Variants in DLC1 observed in about 807,000 individuals in gnomAD.
The protein encoded by DLC1 is DLC1 Rho GTPase activating protein.
A neutral mutation model predicts 140.3 loss-of-function variants in DLC1; 54 were observed. That is an observed-to-expected ratio of 0.38 (90% confidence interval 0.31 to 0.48). DLC1 has a LOEUF of 0.48. Among genes scored for constraint, DLC1 ranks in the 20% least tolerant of loss-of-function variants. The pLI, the probability that DLC1 is intolerant of heterozygous loss-of-function variation, is 0.96. For missense variants in DLC1, 2,536 were observed against 1,907.0 expected, an observed-to-expected ratio of 1.33 and a Z score of -6.14; for synonymous variants, 986 against 728.1, an observed-to-expected ratio of 1.35 and a Z score of -5.70.
At chr8:13,182,243 G>A (rs1239595669) in intron 5 of DLC1, among the ~76,000 whole-genome samples, 1 of 151,328 alleles carries the variant, frequency 6.6e-6, no homozygotes, top group African/African-American at 2.4e-5. Flanking sequence ...TGGGTAGATT[G>A]CAAAAATTTT....
chr8:13,602,294 T>G (rs145363000), intron 1 of DLC1, among the ~76,000 whole-genome samples: 1 of 151,892 alleles, frequency 6.6e-6, no homozygotes, highest in East Asian at 1.9e-4. Context: ...ATCAATCAAC[T>G]GCCATGTGTA....
intron 2 of DLC1, among the ~76,000 whole-genome samples, chr8:13,407,808 A>G (rs1385468378): frequency 6.6e-6 from 1 of 152,186 alleles, no homozygotes; most frequent in East Asian, 1.9e-4. Flanking sequence ...CCGTGAAAGA[A>G]AGGGACCTTT....
intron 9 of DLC1, among the ~76,000 whole-genome samples, chr8:13,098,842 T>C (rs1052893337): frequency 2.6e-5 from 4 of 152,062 alleles, no homozygotes; most frequent in Admixed American, 1.3e-4. Flanking sequence ...TCTCAAACTC[T>C]TGGCCTCAAG....
chr8:13,487,685 G>A (rs538674880), intron 2 of DLC1, among the ~76,000 whole-genome samples: 1 of 151,538 alleles, frequency 6.6e-6, no homozygotes, highest in African/African-American at 2.4e-5. Context: ...GCAGTTCTCT[G>A]CCTCAGCCTC....
chr8:13,477,969 G>C (rs1442318486), intron 2 of DLC1, among the ~76,000 whole-genome samples: 4 of 152,168 alleles, frequency 2.6e-5, no homozygotes, highest in African/African-American at 7.2e-5. Context: ...AGTATTTTCA[G>C]AGAGATTTGA....
intron 1 of DLC1, among the ~76,000 whole-genome samples, chr8:13,543,452 G>A (rs1803551920): frequency 2.0e-5 from 3 of 152,084 alleles, no homozygotes; most frequent in Admixed American, 6.6e-5. Flanking sequence ...TAGGAGGATT[G>A]TTGGATCAAA....
intron 5 of DLC1, among the ~76,000 whole-genome samples, chr8:13,255,675 C>T (rs1391528613): frequency 1.3e-5 from 2 of 152,130 alleles, no homozygotes; most frequent in East Asian, 3.9e-4. Flanking sequence ...TCATGCTGTT[C>T]CCTTCTCTCC....
intron 2 of DLC1, among the ~76,000 whole-genome samples, chr8:13,413,939 A>C (rs1279273921): frequency 1.3e-5 from 2 of 152,130 alleles, no homozygotes; most frequent in African/African-American, 4.8e-5. Flanking sequence ...GAACTGGGAG[A>C]GGGGCAAAGA....
At chr8:13,371,429 C>G (rs946842617) in intron 4 of DLC1, among the ~76,000 whole-genome samples, 1 of 152,172 alleles carries the variant, frequency 6.6e-6, no homozygotes, top group Non-Finnish European at 1.5e-5. Context: ...TCCTCTTTGT[C>G]ACAGTGTAGG....
At chr8:13,450,867 C>T (rs562980057) in intron 2 of DLC1, among the ~76,000 whole-genome samples, 35 of 150,932 alleles carry the variant, frequency 2.3e-4, no homozygotes, top group African/African-American at 8.3e-4. Flanking sequence ...GGTGAAACCC[C>T]GTTTCTACTA....
chr8:13,378,611 G>A (rs1344317433), intron 4 of DLC1, among the ~76,000 whole-genome samples: 3 of 152,022 alleles, frequency 2.0e-5, no homozygotes, highest in African/African-American at 4.8e-5. Flanking sequence ...TCAAAACCAT[G>A]TATTTTTATC....
chr8:13,226,786 C>T (rs896043491), intron 5 of DLC1, among the ~76,000 whole-genome samples: 2 of 152,310 alleles, frequency 1.3e-5, no homozygotes, highest in South Asian at 2.1e-4. Flanking sequence ...GTTCCATTGA[C>T]TCAGAGTAGC....
intron 6 of DLC1, among the ~76,000 whole-genome samples, chr8:13,115,049 T>C (rs1820435789): frequency 6.6e-6 from 1 of 152,174 alleles, no homozygotes; most frequent in Admixed American, 6.5e-5. Context: ...GCACAGCTTA[T>C]AAAAGCAAAA....
intron 1 of DLC1, among the ~76,000 whole-genome samples, chr8:13,552,541 G>C (rs557284630): frequency 6.6e-6 from 1 of 151,310 alleles, no homozygotes; most frequent in African/African-American, 2.4e-5. Context: ...AAAAACATGA[G>C]TGAATATATA....
chr8:13,356,495 C>T (rs1834949017), intron 4 of DLC1, among the ~76,000 whole-genome samples: 1 of 152,216 alleles, frequency 6.6e-6, no homozygotes, highest in Non-Finnish European at 1.5e-5. Context: ...CAGGTCCCAC[C>T]TGAAGCCTAT....
In DLC1 at chr8:13,098,530, G is replaced by A; in HGVS notation, c.3036C>T (p.Ser1012=). The change falls in exon 10 of 18, where the codon AGC becomes AGT. Residue 1012 remains serine (S), a synonymous_variant. Coordinates refer to ENST00000276297, the MANE Select transcript of DLC1 (RefSeq NM_182643.3). ...TAATCTGTAGTGATACAGAGTTGAG[G>A]CTTGGCCGATGTGAGCTCTGGAAAC... The part of the protein sequence containing the change: ...WHSFQSSHRP[S]LNSVSLQINC... 1 of 1,614,218 alleles carries A rather than the reference G, an allele frequency of 6.2e-7. No homozygotes were observed. Among genetic ancestry groups the A allele is most frequent in the Non-Finnish European group, 8.5e-7 (1 of 1,180,026 alleles).
intron 5 of DLC1, among the ~76,000 whole-genome samples, chr8:13,257,216 T>TAAA (rs36010634): frequency 4.1e-5 from 6 of 146,690 alleles, no homozygotes; most frequent in African/African-American, 7.5e-5. Context: ...ATGCTTATCA[T>TAAA]AAAAAAAAAA....
Position 13,128,668 on chromosome 8 carries a change from T to C in DLC1, c.1349-13011A>G, listed in dbSNP as rs112453136. 3.2e-3 allele frequency among the ~76,000 whole-genome samples: 493 copies of C among 152,144 alleles called. 1 individual carries two copies. The highest frequency in any genetic ancestry group is 0.01 in the African/African-American group (434 of 41,522). Reference sequence around the variant, plus strand: ...TAACACGATGAAACCCTGTTTCTACTAAAAATACCAAAAAATTAGCTGGGC... The same window carrying C: ...TAACACGATGAAACCCTGTTTCTACCAAAAATACCAAAAAATTAGCTGGGC... On this transcript the variant is annotated intron_variant, in intron 5 of 17. Coordinates refer to ENST00000276297, the MANE Select transcript of DLC1 (RefSeq NM_182643.3).
intron 4 of DLC1, among the ~76,000 whole-genome samples, chr8:13,372,033 T>C (rs1835754248): frequency 6.6e-6 from 1 of 152,148 alleles, no homozygotes; most frequent in Non-Finnish European, 1.5e-5. Flanking sequence ...ACCAAACACA[T>C]TAAAATAGAT....
Sources: gnomAD v4.1 joint callset for allele counts (sites outside exome capture counted in the v4.1 genomes callset) on GRCh38, gnomAD v4.1.1 for gene constraint, MANE v1.5 for transcripts, NCBI Gene and HGNC (gene_info 2026-07-23, HGNC 2026-07-21) for gene names.